Variants in NEGR1 observed in about 807,000 individuals in gnomAD.
NEGR1 encodes IgLON family member 4.
In NEGR1, 10 loss-of-function variants were observed where a neutral mutation model predicts 40.9. The ratio of observed to expected loss-of-function variants is 0.24; its 90% CI spans 0.15 to 0.42. The LOEUF (loss-of-function observed/expected upper bound fraction) is 0.42, where lower values mean the gene tolerates loss of function less well. Ranked by LOEUF, NEGR1 falls within the 10% of genes least tolerant of loss-of-function variation. The pLI is 1.00. For synonymous variants in NEGR1, 185 were observed against 166.8 expected (o/e 1.11, Z -0.84); for missense variants, 352 against 438.9 (o/e 0.80, Z 1.77).
At chr1:71,722,875 C>A (rs1654555495) in intron 3 of NEGR1, among the ~76,000 whole-genome samples, 1 of 152,068 alleles carries the variant, frequency 6.6e-6, no homozygotes, top group Admixed American at 6.6e-5. Context: ...CTAAAAGTTT[C>A]CTTGTGTACC....
At chr1:72,251,202 C>A (rs1354555120) in intron 1 of NEGR1, among the ~76,000 whole-genome samples, 1 of 152,172 alleles carries the variant, frequency 6.6e-6, no homozygotes, top group Non-Finnish European at 1.5e-5. Context: ...GCTTTCTAGG[C>A]TGTAGTGCAC....
intron 2 of NEGR1, among the ~76,000 whole-genome samples, chr1:71,897,940 A>G (rs1490688000): frequency 6.6e-6 from 1 of 152,188 alleles, no homozygotes; most frequent in Non-Finnish European, 1.5e-5. Context: ...CCAACTTAGA[A>G]ATTTTAAGCT....
At chr1:71,732,706 G>T (rs151173644) in intron 3 of NEGR1, among the ~76,000 whole-genome samples, 120 of 152,140 alleles carry the variant, frequency 7.9e-4, no homozygotes, top group African/African-American at 2.7e-3. Context: ...AATATAAATT[G>T]ATATGACTGA....
At chr1:72,156,807 A>T (rs555995620) in intron 1 of NEGR1, among the ~76,000 whole-genome samples, 14 of 152,290 alleles carry the variant, frequency 9.2e-5, no homozygotes, top group South Asian at 8.3e-4. Context: ...TGAACACAAA[A>T]TTTTTTGTAT....
At chr1:72,145,132 C>T (rs1486929097) in intron 1 of NEGR1, among the ~76,000 whole-genome samples, 2 of 151,978 alleles carry the variant, frequency 1.3e-5, no homozygotes, top group Non-Finnish European at 2.9e-5. Flanking sequence ...AAAATGTCTA[C>T]CTGGCCCTCA....
chr1:72,122,999 G>T (rs116722203), intron 1 of NEGR1, among the ~76,000 whole-genome samples: 1 of 151,764 alleles, frequency 6.6e-6, no homozygotes, highest in Non-Finnish European at 1.5e-5. Context: ...AACATTCCTG[G>T]AATACCCTTT....
chr1:72,084,720 A>G (rs1465632732), intron 1 of NEGR1, among the ~76,000 whole-genome samples: 5 of 152,220 alleles, frequency 3.3e-5, no homozygotes, highest in African/African-American at 1.2e-4. Flanking sequence ...AAGGACTAAT[A>G]GAATTTAAGA....
chr1:71,839,698 T>C (rs1170385586), intron 2 of NEGR1, among the ~76,000 whole-genome samples: 3 of 152,160 alleles, frequency 2.0e-5, no homozygotes, highest in African/African-American at 7.2e-5. Context: ...GGCATATTAT[T>C]TGCAAATATT....
chr1:72,157,663 A>T (rs1029424664), intron 1 of NEGR1, among the ~76,000 whole-genome samples: 1 of 152,152 alleles, frequency 6.6e-6, no homozygotes, highest in African/African-American at 2.4e-5. Flanking sequence ...GTATGAGTAT[A>T]TCATTTCCAA....
intron 1 of NEGR1, among the ~76,000 whole-genome samples, chr1:71,939,958 C>T (rs1039701111): frequency 6.6e-6 from 1 of 152,062 alleles, no homozygotes; most frequent in Non-Finnish European, 1.5e-5. Flanking sequence ...TTGAACAAAG[C>T]CAGTTGGCTT....
At chr1:71,852,570 G>C in intron 2 of NEGR1, among the ~76,000 whole-genome samples, 1 of 151,958 alleles carries the variant, frequency 6.6e-6, no homozygotes, top group Non-Finnish European at 1.5e-5. Context: ...GGCCTTTTTA[G>C]GAACTTGAGT....
At chr1:71,564,857 A>T (rs1173535795) in intron 6 of NEGR1, among the ~76,000 whole-genome samples, 1 of 152,104 alleles carries the variant, frequency 6.6e-6, no homozygotes, top group South Asian at 2.1e-4. Flanking sequence ...GTGCCCTATG[A>T]CATTAGGTTA....
chr1:72,071,947 T>C (rs1211635270), intron 1 of NEGR1, among the ~76,000 whole-genome samples: 7 of 152,130 alleles, frequency 4.6e-5, no homozygotes, highest in African/African-American at 1.2e-4. Flanking sequence ...ATAGCTCCTA[T>C]AGATTTTAGA....
At chr1:71,835,604 C>T (rs1386876415) in intron 2 of NEGR1, among the ~76,000 whole-genome samples, 2 of 152,040 alleles carry the variant, frequency 1.3e-5, no homozygotes, top group Non-Finnish European at 2.9e-5. Context: ...TCCTGTCAGT[C>T]CCCCAACCTA....
At chr1:71,611,718 TCCTC>T (rs1650259652) in intron 4 of NEGR1, among the ~76,000 whole-genome samples, 1 of 152,168 alleles carries the variant, frequency 6.6e-6, no homozygotes, top group Admixed American at 6.5e-5. Flanking sequence ...TTTTCCTGCC[TCCTC>T]CCTATGCTTT....
At chr1:71,624,092 T>A (rs1379193946) in intron 4 of NEGR1, among the ~76,000 whole-genome samples, 1 of 151,912 alleles carries the variant, frequency 6.6e-6, no homozygotes, top group South Asian at 2.1e-4. Context: ...TCAGTCAAAG[T>A]CGCCAGATCC....
intron 1 of NEGR1, among the ~76,000 whole-genome samples, chr1:72,019,280 C>G (rs906887921): frequency 3.4e-4 from 52 of 152,124 alleles, no homozygotes; most frequent in African/African-American, 1.2e-3. Flanking sequence ...TTCTGTTTCT[C>G]ATTCACATGT....
intron 1 of NEGR1, among the ~76,000 whole-genome samples, chr1:71,987,335 A>C (rs979875689): frequency 6.6e-6 from 1 of 152,330 alleles, no homozygotes; most frequent in Middle Eastern, 3.4e-3. Context: ...TGACACACAA[A>C]AAAGAGATAA....
chr1:71,784,620 G>T (rs1656845286), intron 2 of NEGR1, among the ~76,000 whole-genome samples: 1 of 152,144 alleles, frequency 6.6e-6, no homozygotes. Context: ...TGAGAAGAAT[G>T]AACCCTACAG....
Sources: gnomAD v4.1 joint callset for allele counts (sites outside exome capture counted in the v4.1 genomes callset) on GRCh38, gnomAD v4.1.1 for gene constraint, MANE v1.5 for transcripts, NCBI Gene and HGNC (gene_info 2026-07-23, HGNC 2026-07-21) for gene names.